Variants in GRIA4 observed in about 807,000 individuals in gnomAD.
GRIA4 encodes glutamate receptor 4.
In GRIA4, 34 loss-of-function variants were observed where a neutral mutation model predicts 104.0. The observed-to-expected ratio is 0.33, with a 90% CI of 0.25 to 0.44. The LOEUF (loss-of-function observed/expected upper bound fraction) is 0.44, where lower values mean the gene tolerates loss of function less well. Among genes scored for constraint, GRIA4 ranks in the 20% least tolerant of loss-of-function variants. The pLI is 1.00. For missense variants in GRIA4, 750 were observed against 1,096.5 expected (o/e 0.68, Z 4.46); for synonymous variants, 386 against 381.9 (o/e 1.01, Z -0.13).
At chr11:105,823,523 G>A (rs1411203965) in intron 4 of GRIA4, among the ~76,000 whole-genome samples, 1 of 152,018 alleles carries the variant, frequency 6.6e-6, no homozygotes, top group Non-Finnish European at 1.5e-5. Context: ...AGAATTGAGT[G>A]GATACAGCTG....
At chr11:105,625,360 T>A (rs574627957) in intron 3 of GRIA4, among the ~76,000 whole-genome samples, 6 of 152,246 alleles carry the variant, frequency 3.9e-5, no homozygotes, top group Non-Finnish European at 7.4e-5. Context: ...TAACAACAAA[T>A]TCTTAGCCAG....
chr11:105,917,256 T>A (rs1236630100), intron 10 of GRIA4, among the ~76,000 whole-genome samples: 1 of 152,160 alleles, frequency 6.6e-6, no homozygotes, highest in Non-Finnish European at 1.5e-5. Flanking sequence ...GGTTTCTGGG[T>A]CATTTAGCCA....
chr11:105,973,353 A>G (rs1425059715), intron 15 of GRIA4, among the ~76,000 whole-genome samples: 1 of 152,150 alleles, frequency 6.6e-6, no homozygotes. Context: ...TGTAATAAGC[A>G]TATTTATAAT....
At chr11:105,786,968 T>C (rs1318554082) in intron 4 of GRIA4, among the ~76,000 whole-genome samples, 1 of 152,154 alleles carries the variant, frequency 6.6e-6, no homozygotes, top group Admixed American at 6.5e-5. Context: ...GAGACAGGCA[T>C]TGTTCTCTGA....
At chr11:105,612,692 A>G (rs2135242320) in intron 3 of GRIA4, 2 of 430,480 alleles carry the variant, frequency 4.6e-6, no homozygotes, top group East Asian at 3.8e-5. Flanking sequence ...TCTTTTATTC[A>G]TTATCTGTCT....
chr11:105,978,346 T>C (rs1859097267), intron 16 of GRIA4, among the ~76,000 whole-genome samples: 1 of 139,376 alleles, frequency 7.2e-6, no homozygotes, highest in Non-Finnish European at 1.6e-5. Flanking sequence ...TACATGTTTC[T>C]GTGAAGACCA....
intron 7 of GRIA4, among the ~76,000 whole-genome samples, chr11:105,900,467 C>T (rs1946813819): frequency 6.6e-6 from 1 of 152,138 alleles, no homozygotes. Flanking sequence ...TGTGCACGTG[C>T]TTCTACCTCA....
rs1396896280 is a variant in GRIA4, at chr11:105,852,950, C to A, written c.488-9074C>A. ...TGGCTTTGTGTATAAAAGCCAGATC[C>A]AAATTAATATTATTTACAGTACACA... is the stretch of plus-strand genomic sequence containing the variant. On this transcript the variant is annotated intron_variant, in intron 4 of 16. Transcript: ENST00000282499. Among the ~76,000 whole-genome samples the A allele has an allele frequency of 1.3e-5, 2 of 148,476 alleles. 1 individual carries two copies. The highest frequency in any genetic ancestry group is 4.9e-5 in the African/African-American group (2 of 40,608).
intron 5 of GRIA4, among the ~76,000 whole-genome samples, chr11:105,866,535 A>G (rs55856445): frequency 0.16 from 17,174 of 105,030 alleles, 1,565 homozygotes; most frequent in South Asian, 0.26. Context: ...ATATACGCAT[A>G]TGTGTGTGTG....
At chr11:105,937,970 C>T (rs762876083) in intron 14 of GRIA4, among the ~76,000 whole-genome samples, 2 of 151,988 alleles carry the variant, frequency 1.3e-5, no homozygotes, top group Admixed American at 6.6e-5. Flanking sequence ...AGCAATAGCA[C>T]GGCAGGGGGA....
Position 105,669,747 on chromosome 11 carries a change from G to T in GRIA4, c.247+57313G>T, listed in dbSNP as rs1007288739. 1.3e-5 allele frequency among the ~76,000 whole-genome samples: 2 copies of T among 152,216 alleles called. 1 individual carries two copies. The highest frequency in any genetic ancestry group is 6.8e-3 in the Middle Eastern group (2 of 294). The stretch of plus-strand genomic sequence containing the variant: ...GCTCATATTAGGTAGGTACTATTTT[G>T]TGAATAAATAAACACTGTGTGTCAA... On this transcript the variant is annotated intron_variant, in intron 3 of 16. Transcript: ENST00000282499.
At chr11:105,832,838 G>C (rs1944026828) in intron 4 of GRIA4, among the ~76,000 whole-genome samples, 1 of 151,934 alleles carries the variant, frequency 6.6e-6, no homozygotes. Flanking sequence ...CTGGTGTACG[G>C]CTTTCAGAAT....
intron 4 of GRIA4, among the ~76,000 whole-genome samples, chr11:105,762,310 C>T (rs1332516359): frequency 6.6e-6 from 1 of 152,190 alleles, no homozygotes; most frequent in African/African-American, 2.4e-5. Context: ...AGGCATGAGC[C>T]ACCACACCCG....
At chr11:105,958,281 G>A (rs1005456710) in intron 14 of GRIA4, among the ~76,000 whole-genome samples, 26 of 152,198 alleles carry the variant, frequency 1.7e-4, no homozygotes, top group East Asian at 3.9e-4. Context: ...TTTGAGATAC[G>A]TCCCATCAAT....
At chr11:105,653,854 T>A (rs967865812) in intron 3 of GRIA4, among the ~76,000 whole-genome samples, 1 of 151,592 alleles carries the variant, frequency 6.6e-6, no homozygotes, top group Non-Finnish European at 1.5e-5. Context: ...GGTAGGAAGG[T>A]GGCATGAGAG....
intron 3 of GRIA4, among the ~76,000 whole-genome samples, chr11:105,677,485 T>G (rs1157638676): frequency 6.6e-6 from 1 of 151,882 alleles, no homozygotes; most frequent in Non-Finnish European, 1.5e-5. Context: ...GCATTAGAAC[T>G]AGGAATTTTT....
intron 3 of GRIA4, among the ~76,000 whole-genome samples, chr11:105,703,441 G>A (rs965844398): frequency 6.6e-6 from 1 of 152,056 alleles, no homozygotes; most frequent in African/African-American, 2.4e-5. Flanking sequence ...AATTTATGTA[G>A]CCATAAAAAC....
At chr11:105,774,248 T>C (rs1308130910) in intron 4 of GRIA4, among the ~76,000 whole-genome samples, 2 of 151,606 alleles carry the variant, frequency 1.3e-5, no homozygotes, top group East Asian at 1.9e-4. Flanking sequence ...AAAAATTTAA[T>C]ATAAAACTAT....
intron 4 of GRIA4, among the ~76,000 whole-genome samples, chr11:105,850,191 CTT>C (rs1207761023): frequency 5.3e-5 from 8 of 152,154 alleles, no homozygotes; most frequent in African/African-American, 1.7e-4. Flanking sequence ...GACTTCTCCT[CTT>C]GATAATACAA....
Sources: gnomAD v4.1 joint callset for allele counts (sites outside exome capture counted in the v4.1 genomes callset) on GRCh38, gnomAD v4.1.1 for gene constraint, MANE v1.5 for transcripts, NCBI Gene and HGNC (gene_info 2026-07-23, HGNC 2026-07-21) for gene names.